FHIT: variants seen among roughly 807,000 people sequenced by gnomAD.
FHIT encodes bis(5'-adenosyl)-triphosphatase.
A neutral mutation model predicts 17.9 loss-of-function variants in FHIT; 19 were observed. The ratio of observed to expected loss-of-function variants is 1.06; its 90% CI spans 0.74 to 1.56. The LOEUF is 1.56. FHIT is among the 40% of genes most tolerant of loss of function. The pLI, the probability that FHIT is intolerant of heterozygous loss-of-function variation, is 0.00. For synonymous variants in FHIT, 81 were observed against 69.7 expected, an observed-to-expected ratio of 1.16 and a Z score of -0.81; for missense variants, 248 against 189.2, an observed-to-expected ratio of 1.31 and a Z score of -1.82.
At chr3:59,910,963 C>T (rs952845760) in intron 8 of FHIT, among the ~76,000 whole-genome samples, 4 of 152,076 alleles carry the variant, frequency 2.6e-5, no homozygotes, top group South Asian at 2.1e-4. Context: ...CATTCCAAAC[C>T]ACAGAAAATA....
chr3:60,306,762 AAT>A (rs1708690517), intron 5 of FHIT, among the ~76,000 whole-genome samples: 1 of 152,162 alleles, frequency 6.6e-6, no homozygotes, highest in Non-Finnish European at 1.5e-5. Flanking sequence ...TGATTTTACA[AAT>A]TTAAGGGAAT....
At chr3:60,109,917 A>G (rs1704596783) in intron 5 of FHIT, among the ~76,000 whole-genome samples, 1 of 152,194 alleles carries the variant, frequency 6.6e-6, no homozygotes, top group Non-Finnish European at 1.5e-5. Flanking sequence ...TAAGTTAATA[A>G]TAATCCAAAC....
At chr3:60,295,244 C>T (rs1206507373) in intron 5 of FHIT, among the ~76,000 whole-genome samples, 1 of 151,926 alleles carries the variant, frequency 6.6e-6, no homozygotes, top group African/African-American at 2.4e-5. Context: ...CTGGGCAACA[C>T]AGAAAAAGAA....
chr3:60,746,983 G>A (rs28697197), intron 4 of FHIT, among the ~76,000 whole-genome samples: 55,838 of 151,930 alleles, frequency 0.37, 11,476 homozygotes, highest in African/African-American at 0.55. Flanking sequence ...CCTACCAGAT[G>A]TAGGTACTGT....
intron 5 of FHIT, among the ~76,000 whole-genome samples, chr3:60,263,010 T>C (rs1706382495): frequency 6.6e-6 from 1 of 151,832 alleles, no homozygotes; most frequent in Non-Finnish European, 1.5e-5. Flanking sequence ...AAATAACTAA[T>C]ATCTCAGTAA....
intron 3 of FHIT, among the ~76,000 whole-genome samples, chr3:60,926,405 C>T: frequency 6.6e-6 from 1 of 152,328 alleles, no homozygotes; most frequent in East Asian, 1.9e-4. Flanking sequence ...AAGAAACTCA[C>T]TCGAAACCAC....
intron 8 of FHIT, among the ~76,000 whole-genome samples, chr3:59,868,336 G>A (rs530472290): frequency 5.1e-4 from 54 of 105,564 alleles, no homozygotes; most frequent in African/African-American, 2.4e-3. Context: ...ATTTCCACGC[G>A]GAAAAAAAAA....
At chr3:60,491,557 A>G (rs999210891) in intron 5 of FHIT, among the ~76,000 whole-genome samples, 16 of 152,252 alleles carry the variant, frequency 1.1e-4, no homozygotes, top group African/African-American at 3.9e-4. Context: ...ATCAATTCAT[A>G]TAACATGCCA....
intron 5 of FHIT, among the ~76,000 whole-genome samples, chr3:60,408,083 C>G (rs6807277): frequency 0.21 from 31,356 of 152,178 alleles, 3,950 homozygotes; most frequent in East Asian, 0.47. Context: ...AACCAGCACT[C>G]ACCATGTAAC....
At chr3:60,562,136 A>G (rs1559541718) in intron 4 of FHIT, among the ~76,000 whole-genome samples, 1 of 152,204 alleles carries the variant, frequency 6.6e-6, no homozygotes, top group Non-Finnish European at 1.5e-5. Context: ...TTAATGAGAA[A>G]AAGAAAATGT....
At chr3:60,928,143 C>T (rs1354838116) in intron 3 of FHIT, among the ~76,000 whole-genome samples, 4 of 151,898 alleles carry the variant, frequency 2.6e-5, no homozygotes, top group Non-Finnish European at 5.9e-5. Flanking sequence ...ACTCCCTAAT[C>T]TCAAGTACCC....
intron 5 of FHIT, among the ~76,000 whole-genome samples, chr3:60,325,477 T>C (rs1253521145): frequency 6.6e-6 from 1 of 152,246 alleles, no homozygotes; most frequent in Non-Finnish European, 1.5e-5. Flanking sequence ...GTTTTCAATT[T>C]GTTTTTTAGA....
At chr3:60,046,961 G>A (rs532602355) in intron 5 of FHIT, among the ~76,000 whole-genome samples, 2 of 152,268 alleles carry the variant, frequency 1.3e-5, no homozygotes, top group East Asian at 1.9e-4. Context: ...TATATAAACA[G>A]GGCTATTCTC....
chr3:61,021,326 G>A lies in FHIT; in HGVS notation c.-111+20721C>T, dbSNP rs543135684. 1.4e-4 allele frequency among the ~76,000 whole-genome samples: 21 copies of A among 152,158 alleles called. No homozygotes were observed. The South Asian group carries it at 2.1e-3, about 15-fold the overall frequency. ...AAAAAGAACAGAAATCAGGCCGGGC[G>A]CGGTGGCTCACGCCTGTAATCCCAG... On this transcript the variant is annotated intron_variant, in intron 3 of 9. Transcript: ENST00000492590.
chr3:60,254,406 C>A (rs1353409146), intron 5 of FHIT, among the ~76,000 whole-genome samples: 1 of 151,910 alleles, frequency 6.6e-6, no homozygotes, highest in Non-Finnish European at 1.5e-5. Context: ...TGATTTTTCC[C>A]AATATAAATT....
chr3:60,350,462 C>G (rs1711030525), intron 5 of FHIT, among the ~76,000 whole-genome samples: 1 of 152,168 alleles, frequency 6.6e-6, no homozygotes, highest in Non-Finnish European at 1.5e-5. Flanking sequence ...TACATATTAT[C>G]TCCAAAATTG....
intron 8 of FHIT, among the ~76,000 whole-genome samples, chr3:59,881,796 TTTGA>T (rs1201013357): frequency 6.6e-6 from 1 of 152,192 alleles, no homozygotes; most frequent in African/African-American, 2.4e-5. Context: ...AGATATTTGC[TTTGA>T]TTAATATATG....
chr3:59,841,835 G>T (rs1219376834), intron 8 of FHIT, among the ~76,000 whole-genome samples: 1 of 152,066 alleles, frequency 6.6e-6, no homozygotes, highest in African/African-American at 2.4e-5. Context: ...GCAGGGTCAG[G>T]GGTATCTATA....
Position 60,152,746 on chromosome 3 carries a change from C to A in FHIT, c.104-138594G>T, listed in dbSNP as rs911474414. Among the ~76,000 whole-genome samples, 5 of 151,564 alleles carry A rather than the reference C, an allele frequency of 3.3e-5. No individual in the cohort carries two copies. In the South Asian group the frequency reaches 6.3e-4, roughly 19 times the overall value. The stretch of plus-strand genomic sequence containing the variant: ...ACCTATACCATCTGGGCTTTCCGTA[C>A]CCCACCAGCAGGGTGTAAGAATGCC... On this transcript the variant is annotated intron_variant, in intron 5 of 9. Coordinates refer to ENST00000492590, the MANE Select transcript of FHIT (RefSeq NM_002012.4).
Sources: gnomAD v4.1 joint callset for allele counts (sites outside exome capture counted in the v4.1 genomes callset) on GRCh38, gnomAD v4.1.1 for gene constraint, MANE v1.5 for transcripts, NCBI Gene and HGNC (gene_info 2026-07-23, HGNC 2026-07-21) for gene names.